Variants in C5 observed in about 807,000 individuals in gnomAD.
C5 encodes C3 and PZP-like alpha-2-macroglobulin domain-containing protein 4.
A neutral mutation model predicts 218.8 loss-of-function variants in C5; 140 were observed. The ratio of observed to expected loss-of-function variants is 0.64; its 90% CI spans 0.56 to 0.74. C5 has a LOEUF of 0.74. Among genes scored for constraint, C5 ranks in the 30% least tolerant of loss-of-function variants. The probability of loss-of-function intolerance (pLI) is 0.00; values close to 1 mark genes in which losing one functional copy is unlikely to be tolerated. For missense variants in C5, 1,700 were observed against 1,969.6 expected (o/e 0.86, Z 2.59); for synonymous variants, 614 against 682.3 (o/e 0.90, Z 1.56).
Position 121,025,581 on chromosome 9 carries a change from C to T in C5, c.874-1G>A. The T allele has an allele frequency of 6.2e-7, 1 of 1,611,612 alleles. No individual in the cohort carries two copies. Among genetic ancestry groups the T allele is most frequent in the Non-Finnish European group, 8.5e-7 (1 of 1,179,354 alleles). The stretch of plus-strand genomic sequence containing the variant: ...TGACTTGAGCAATTCCATTTATCAA[C>T]TTTTTAAAAGGAGAAAAAGGAGGAG... On this transcript the variant is annotated splice_acceptor_variant, in intron 8 of 40. Transcript: ENST00000223642. LOFTEE classifies it high-confidence loss of function.
chr9:121,014,181 CA>C, intron 16 of C5, 111 bp from the exon 17 acceptor site: 1 of 895,958 alleles, frequency 1.1e-6, no homozygotes, highest in South Asian at 1.4e-5. Flanking sequence ...TCCCCCTACC[CA>C]CAATAGTTAT....
chr9:120,953,850 T>C lies in C5; in HGVS notation c.4781A>G (p.Lys1594Arg). 1.2e-6 allele frequency: 2 copies of C among 1,614,118 alleles called. No homozygotes were observed. The highest frequency in any genetic ancestry group is 1.7e-6 in the Non-Finnish European group (2 of 1,179,956). ...IYKTGEAVAEKDSEITFIKKV... is the reference protein window; with the variant it reads ...IYKTGEAVAERDSEITFIKKV... ...TTTAATGAAGGTAATCTCAGAGTCT[T>C]TCTCAGCAACAGCTTCCCCTGAGAG... Residue 1594 changes from lysine to arginine, a missense_variant, in exon 40 of 41, where the codon AAA (lysine) becomes AGA (arginine). Transcript: ENST00000223642.
At chr9:121,029,170 A>G (rs2047452200) in intron 7 of C5, among the ~76,000 whole-genome samples, 2 of 152,216 alleles carry the variant, frequency 1.3e-5, no homozygotes, top group South Asian at 4.1e-4. Flanking sequence ...CTATAGCAAG[A>G]GCTAACTTTC....
intron 32 of C5, among the ~76,000 whole-genome samples, 189 bp downstream of exon 32, chr9:120,969,981 G>A (rs1036560202): frequency 2.0e-5 from 3 of 152,158 alleles, no homozygotes; most frequent in South Asian, 2.1e-4. Context: ...ATTAGCTTCC[G>A]ACTATATTAA....
At chr9:121,010,793 T>C (rs2047255316) in intron 17 of C5, among the ~76,000 whole-genome samples, 1 of 152,066 alleles carries the variant, frequency 6.6e-6, no homozygotes, top group Non-Finnish European at 1.5e-5. Flanking sequence ...TATAGACCTA[T>C]GGAACAGAAT....
Position 120,971,450 on chromosome 9 carries a change from G to T in C5, c.4080+480C>A, listed in dbSNP as rs191650815. ...ATACATATAAGGATTAAATTTTTTT[G>T]TGTGTGTGAGACGGAGTCTTGCTCT... On this transcript the variant is annotated intron_variant, in intron 31 of 40. Transcript: ENST00000223642. 3.6e-3 allele frequency among the ~76,000 whole-genome samples: 542 copies of T among 151,884 alleles called. 2 individuals carry two copies. Among genetic ancestry groups the T allele is most frequent in the African/African-American group, 0.012 (481 of 41,446 alleles).
chr9:121,037,905 T>G lies in C5; in HGVS notation c.468A>C (p.Lys156Asn). ...CTATGAAAGTTAAGACAGTTTCTCT[T>G]TTGGCTGGCTTCAAGTCGTCATTCA... ...YSLNDDLKPA[K>N]RETVLTFIDP... Residue 156 changes from lysine to asparagine, a missense_variant, in exon 4 of 41, where the codon AAA becomes AAC. By Grantham distance (94) the Lys-to-Asn change is moderately conservative. Coordinates refer to ENST00000223642, the MANE Select transcript of C5 (RefSeq NM_001735.3). 1 of 1,525,440 alleles carries G rather than the reference T, an allele frequency of 6.6e-7. No individual in the cohort carries two copies. Among genetic ancestry groups the G allele is most frequent in the South Asian group, 1.2e-5 (1 of 82,792 alleles). 94.5% of individuals were successfully genotyped at this position (1,525,440 alleles called of 1,614,324 possible).
rs754731723 is a variant in C5 at position 121,046,175 on chromosome 9, A to G, written c.258+16T>C. 3.5e-5 allele frequency: 48 copies of G among 1,359,206 alleles called. No homozygotes were observed. Among genetic ancestry groups the G allele is most frequent in the Middle Eastern group, 5.2e-4 (2 of 3,870 alleles). 84.2% of individuals were successfully genotyped at this position (1,359,206 alleles called of 1,614,324 possible). A position where few individuals can be genotyped will look rare whatever the true frequency, so the allele number is the denominator to read the frequency against. On this transcript the variant is annotated intron_variant, in intron 2 of 40. Transcript: ENST00000223642. ...TCTGTATATATATATAAAGAAAATA[A>G]AGGATAAATACATACTGTTAAGATT...
intron 23 of C5, 112 bp from the exon 24 acceptor site, chr9:120,989,892 C>T (rs2047063941): frequency 1.2e-6 from 1 of 811,292 alleles, no homozygotes. Context: ...TTTATCTAGG[C>T]AGTTGACTTG....
chr9:120,958,822 G>A (rs1251138089), intron 38 of C5, among the ~76,000 whole-genome samples: 9 of 151,052 alleles, frequency 6.0e-5, no homozygotes, highest in Non-Finnish European at 1.0e-4. Context: ...TTTTTGACAG[G>A]GTCTCACTCT....
At chr9:121,025,242 T>A (rs548298540) in intron 9 of C5, among the ~76,000 whole-genome samples, 1 of 152,310 alleles carries the variant, frequency 6.6e-6, no homozygotes, top group African/African-American at 2.4e-5. Context: ...AGGGACCCAA[T>A]GGCTTGTCCA....
chr9:120,961,629 G>A lies in C5; in HGVS notation c.4505-64C>T, dbSNP rs1239565445. On this transcript the variant is annotated intron_variant, in intron 36 of 40. Transcript: ENST00000223642. Reference sequence around the variant, plus strand: ...TTGAAGAACAACACATTTACTAATTGGCAAGTGTCTTACATGGAGCCTCAG... The same window carrying A: ...TTGAAGAACAACACATTTACTAATTAGCAAGTGTCTTACATGGAGCCTCAG... The A allele has an allele frequency of 3.9e-6, 4 of 1,026,240 alleles. No homozygotes were observed. In the Admixed American group the frequency reaches 6.8e-5, roughly 17 times the overall value. 63.6% of individuals were successfully genotyped at this position (1,026,240 alleles called of 1,614,324 possible).
Position 120,980,164 on chromosome 9 carries a change from A to C in C5, c.3577T>G (p.Tyr1193Asp). ...GTTTTATCTCCCAGGGAAAGAGCAT[A>C]CGCAGAAATGGCCAATGTAAAGGTG... Reference protein sequence around the residue: ...QSTFTLAISAYALSLGDKTHP... With the variant: ...QSTFTLAISADALSLGDKTHP... Residue 1193 changes from tyrosine to aspartate, a missense_variant, in exon 28 of 41, where the codon TAT becomes GAT. Tyr to Asp is a radical substitution (Grantham distance 160). Coordinates refer to ENST00000223642, the MANE Select transcript of C5 (RefSeq NM_001735.3). 1 of 1,614,122 alleles carries C rather than the reference A, an allele frequency of 6.2e-7. No homozygotes were observed. The highest frequency in any genetic ancestry group is 8.5e-7 in the Non-Finnish European group (1 of 1,179,994).
chr9:120,974,137 C>CA (rs1329021764), intron 30 of C5, among the ~76,000 whole-genome samples: 1 of 152,130 alleles, frequency 6.6e-6, no homozygotes, highest in Non-Finnish European at 1.5e-5. Flanking sequence ...TATATGTGGG[C>CA]AGCTAATATT....
At chr9:121,005,103 A>G (rs1024130643) in intron 20 of C5, among the ~76,000 whole-genome samples, 17 of 152,340 alleles carry the variant, frequency 1.1e-4, no homozygotes, top group African/African-American at 4.1e-4. Context: ...TTAAAAAAAT[A>G]TAGCTAGAAT....
chr9:120,996,956 A>C (rs2047121814), intron 21 of C5, among the ~76,000 whole-genome samples: 1 of 151,774 alleles, frequency 6.6e-6, no homozygotes, highest in South Asian at 2.1e-4. Flanking sequence ...AAATTACATA[A>C]AAATATTAAT....
At chr9:120,957,430 T>G (rs2046794724) in intron 38 of C5, 62 bp from the exon 39 acceptor site, 2 of 1,255,892 alleles carry the variant, frequency 1.6e-6, no homozygotes, top group South Asian at 2.4e-5. Flanking sequence ...CTATGTCCAG[T>G]AGAAGCCAGA....
intron 9 of C5, among the ~76,000 whole-genome samples, chr9:121,024,935 A>G (rs562961425): frequency 3.3e-5 from 5 of 152,242 alleles, no homozygotes; most frequent in Admixed American, 6.5e-5. Flanking sequence ...CTTATTTAAA[A>G]TAAGTTGAGG....
At position 121,008,406 on chromosome 9, in the gene C5, A is replaced by G. The variant is rs1409908910; in HGVS notation, c.2348+2T>C. Reference sequence around the variant, plus strand: ...CAAGGAAACATGAAAGAAGTATAATACCTTCTGGGAACAAGATGAACTTCC... The same window carrying G: ...CAAGGAAACATGAAAGAAGTATAATGCCTTCTGGGAACAAGATGAACTTCC... On this transcript the variant is annotated splice_donor_variant, in intron 18 of 40. Coordinates refer to ENST00000223642, the MANE Select transcript of C5 (RefSeq NM_001735.3). LOFTEE classifies it high-confidence loss of function. 1 of 1,605,522 alleles carries G rather than the reference A, an allele frequency of 6.2e-7. No homozygotes were observed. The highest frequency in any genetic ancestry group is 8.5e-7 in the Non-Finnish European group (1 of 1,172,266).
Sources: gnomAD v4.1 joint callset for allele counts (sites outside exome capture counted in the v4.1 genomes callset) on GRCh38, gnomAD v4.1.1 for gene constraint, MANE v1.5 for transcripts, NCBI Gene and HGNC (gene_info 2026-07-23, HGNC 2026-07-21) for gene names.